HDLBP: variants seen among roughly 807,000 people sequenced by gnomAD.
HDLBP encodes the protein high density lipoprotein binding protein.
Under a neutral mutation model 137.3 loss-of-function variants are expected in HDLBP, and 30 were observed. The ratio of observed to expected loss-of-function variants is 0.22; its 90% CI spans 0.16 to 0.30. The LOEUF is 0.30. HDLBP is among the 10% of genes least tolerant of loss of function. The pLI, the probability that HDLBP is intolerant of heterozygous loss-of-function variation, is 1.00. For missense variants in HDLBP, 1,119 were observed against 1,667.3 expected (o/e 0.67, Z 5.73); for synonymous variants, 606 against 596.0 (o/e 1.02, Z -0.24).
intron 1 of HDLBP, among the ~76,000 whole-genome samples, chr2:241,270,594 CAT>C (rs2073972297): frequency 6.6e-6 from 1 of 152,216 alleles, no homozygotes; most frequent in African/African-American, 2.4e-5. Flanking sequence ...AAGTCAGTCT[CAT>C]TCTCCTTCTG....
intron 5 of HDLBP, among the ~76,000 whole-genome samples, chr2:241,258,824 G>A (rs112556443): frequency 3.9e-5 from 6 of 152,162 alleles, no homozygotes; most frequent in Admixed American, 1.3e-4. Context: ...CTCTCACATC[G>A]GCTAAAACCC....
In HDLBP at chr2:241,247,041, C is replaced by T. The variant is rs371578979; in HGVS notation, c.1818+15G>A. 63 of 1,600,114 alleles carry T rather than the reference C, an allele frequency of 3.9e-5. No homozygotes were observed. In the African/African-American group the frequency reaches 5.0e-4, roughly 13 times the overall value. ...CAAGGCAAGAAGAAGCAAGATGCAG[C>T]GGACAAGTTATCACCTTTTTAATGT... is the stretch of plus-strand genomic sequence containing the variant. On this transcript the variant is annotated intron_variant, in intron 15 of 27. Coordinates refer to ENST00000310931, the MANE Select transcript of HDLBP (RefSeq NM_005336.6).
chr2:241,287,689 T>C (rs2074869918), intron 1 of HDLBP, among the ~76,000 whole-genome samples: 1 of 152,226 alleles, frequency 6.6e-6, no homozygotes, highest in African/African-American at 2.4e-5. Flanking sequence ...CCCAAAGTGC[T>C]GGGATTACAG....
intron 1 of HDLBP, among the ~76,000 whole-genome samples, chr2:241,283,768 C>G (rs1420450657): frequency 2.0e-5 from 3 of 152,184 alleles, no homozygotes; most frequent in Non-Finnish European, 4.4e-5. Flanking sequence ...GCTACTGCGC[C>G]CAGCCAATAG....
chr2:241,244,731 A>G lies in HDLBP; in HGVS notation c.1950+2021T>C, dbSNP rs931147648. The stretch of plus-strand genomic sequence containing the variant: ...AGACAAGGATCACGCCAAGAAATGA[A>G]GAGCTCTAGAAATGGCAACTGTGTG... On this transcript the variant is annotated intron_variant, in intron 16 of 27. Transcript: ENST00000310931. Among the ~76,000 whole-genome samples, 13 of 152,232 alleles carry G rather than the reference A, an allele frequency of 8.5e-5. 1 individual carries two copies. The highest frequency in any genetic ancestry group is 1.5e-5 in the Non-Finnish European group (1 of 68,042).
In HDLBP at chr2:241,255,144, G is replaced by A. The variant is rs150350953; in HGVS notation, c.1095C>T (p.Thr365=). 35 of 1,613,950 alleles carry A rather than the reference G, an allele frequency of 2.2e-5. No individual in the cohort carries two copies. In the African/African-American group the frequency reaches 2.3e-4, roughly 10 times the overall value. The change falls in exon 9 of 28, where the codon ACC becomes ACT. Residue 365 remains threonine (T), a synonymous_variant. Transcript: ENST00000310931. The part of the protein sequence containing the change: ...TEVYAKANSF[T]VSSVAAPSWL... ...AGGAAGGGGCGGCGACAGAGGAGACGGTGAAGCTATTGGCCTAAGAAAATG... is the reference window on the plus strand; with the variant it reads ...AGGAAGGGGCGGCGACAGAGGAGACAGTGAAGCTATTGGCCTAAGAAAATG...
intron 5 of HDLBP, among the ~76,000 whole-genome samples, chr2:241,257,892 C>T (rs1055922185): frequency 6.6e-6 from 1 of 152,110 alleles, no homozygotes; most frequent in Non-Finnish European, 1.5e-5. Flanking sequence ...GAACTGAAAA[C>T]CCAGAAACAG....
chr2:241,257,844 C>G (rs927677323), intron 5 of HDLBP, among the ~76,000 whole-genome samples: 3 of 151,834 alleles, frequency 2.0e-5, no homozygotes, highest in African/African-American at 7.3e-5. Flanking sequence ...TTATCATTAA[C>G]ACAGGAAATA....
chr2:241,252,703 T>TG (rs1305962635), intron 11 of HDLBP, among the ~76,000 whole-genome samples: 2 of 152,198 alleles, frequency 1.3e-5, no homozygotes, highest in Non-Finnish European at 2.9e-5. Context: ...GTGGGTTATT[T>TG]GGGGAGGGCT....
intron 7 of HDLBP, 101 bp from the exon 8 acceptor site, chr2:241,255,681 C>CTA (rs1357785138): frequency 1.7e-5 from 14 of 837,298 alleles, no homozygotes; most frequent in Non-Finnish European, 2.8e-5. Context: ...GCGGCCCAGA[C>CTA]TATAGATGCT....
chr2:241,279,460 C>T (rs1168962677), intron 1 of HDLBP, among the ~76,000 whole-genome samples: 2 of 152,068 alleles, frequency 1.3e-5, no homozygotes, highest in Non-Finnish European at 2.9e-5. Context: ...AAGAAAACAA[C>T]GTGGAGGAGG....
intron 16 of HDLBP, among the ~76,000 whole-genome samples, chr2:241,243,091 C>T (rs1035269368): frequency 3.3e-5 from 5 of 152,182 alleles, no homozygotes; most frequent in African/African-American, 1.2e-4. Context: ...AAAGATTCTG[C>T]TTTCAGCCAA....
chr2:241,290,396 A>C (rs2074973793), intron 1 of HDLBP, among the ~76,000 whole-genome samples: 1 of 152,144 alleles, frequency 6.6e-6, no homozygotes, highest in Admixed American at 6.5e-5. Flanking sequence ...GGATTACCTG[A>C]GGTCGGGAGT....
At chr2:241,308,408 C>G (rs967465691) in intron 1 of HDLBP, among the ~76,000 whole-genome samples, 5 of 152,168 alleles carry the variant, frequency 3.3e-5, no homozygotes, top group African/African-American at 1.2e-4. Context: ...AAAGGGCACC[C>G]AGGCAAAAGT....
intron 1 of HDLBP, chr2:241,269,550 C>G (rs1320849493): frequency 1.3e-5 from 2 of 152,152 alleles, no homozygotes; most frequent in African/African-American, 2.4e-5. Flanking sequence ...GGGCTTGAGT[C>G]ACACAGGGAA....
At chr2:241,266,722 G>A (rs533392349) in intron 3 of HDLBP, 72 bp downstream of exon 3, 1 of 1,011,198 alleles carries the variant, frequency 9.9e-7, no homozygotes, top group South Asian at 1.3e-5. Context: ...AAAGGGCATG[G>A]GATTTGGTAA....
rs1574946457 is a variant in HDLBP at position 241,258,748 on chromosome 2, T to G, written c.451-1942A>C. On this transcript the variant is annotated intron_variant, in intron 5 of 27. Coordinates refer to ENST00000310931, the MANE Select transcript of HDLBP (RefSeq NM_005336.6). ...GATAATAAAAAATGCAAGTGGCCCT[T>G]ATATATTGAAAAGGTGCTCAATCTT... Among the ~76,000 whole-genome samples, 3 of 152,276 alleles carry G rather than the reference T, an allele frequency of 2.0e-5. No homozygotes were observed. The East Asian group carries it at 5.8e-4, about 29-fold the overall frequency.
chr2:241,279,051 T>A (rs920238240), intron 1 of HDLBP, among the ~76,000 whole-genome samples: 8 of 98,286 alleles, frequency 8.1e-5, no homozygotes, highest in African/African-American at 1.9e-4. Context: ...AAAAATTTTT[T>A]AAAATCTAAT....
Position 241,239,471 on chromosome 2 carries a change from G to T in HDLBP, c.2610+131C>A. On this transcript the variant is annotated intron_variant, in intron 19 of 27. Coordinates refer to ENST00000310931, the MANE Select transcript of HDLBP (RefSeq NM_005336.6). The surrounding 1 kb of genome is among the most constrained non-coding windows in gnomAD (Gnocchi z 4.6). Reference sequence around the variant, plus strand: ...AGGAAAGAAGAGCGAGCACCAGAAAGCCCCTTCTGAAGCCTTCCAGGGCTG... The same window carrying T: ...AGGAAAGAAGAGCGAGCACCAGAAATCCCCTTCTGAAGCCTTCCAGGGCTG... 1 of 692,508 alleles carries T rather than the reference G, an allele frequency of 1.4e-6. No individual in the cohort carries two copies. 42.9% of individuals were successfully genotyped at this position (692,508 alleles called of 1,614,324 possible). A position where few individuals can be genotyped will look rare whatever the true frequency, so the allele number is the denominator to read the frequency against.
Sources: gnomAD v4.1 joint callset for allele counts (sites outside exome capture counted in the v4.1 genomes callset) on GRCh38, gnomAD v4.1.1 for gene constraint, Gnocchi (gnomAD v3.1) non-coding constraint, MANE v1.5 for transcripts, NCBI Gene and HGNC (gene_info 2026-07-23, HGNC 2026-07-21) for gene names.